The following LRRTM4 variants were observed in gnomAD, a reference collection of about 807,000 sequenced individuals.
LRRTM4 encodes the protein leucine-rich repeat transmembrane neuronal protein 4.
A neutral mutation model predicts 47.6 loss-of-function variants in LRRTM4; 25 were observed. That is an observed-to-expected ratio of 0.53 (90% CI 0.38 to 0.73). The LOEUF (loss-of-function observed/expected upper bound fraction) is 0.73. Ranked by LOEUF, LRRTM4 falls within the 30% of genes least tolerant of loss-of-function variation. The pLI, the probability that LRRTM4 is intolerant of heterozygous loss-of-function variation, is 0.00. For missense variants in LRRTM4, 638 were observed against 713.4 expected, an observed-to-expected ratio of 0.89 and a Z score of 1.20; for synonymous variants, 311 against 269.5, an observed-to-expected ratio of 1.15 and a Z score of -1.51.
At chr2:76,840,700 A>G (rs1478955592) in intron 3 of LRRTM4, among the ~76,000 whole-genome samples, 2 of 152,164 alleles carry the variant, frequency 1.3e-5, no homozygotes, top group African/African-American at 4.8e-5. Flanking sequence ...AAGAAAACAA[A>G]AGAGAGAGAG....
At chr2:77,377,327 A>G (rs965387515) in intron 3 of LRRTM4, among the ~76,000 whole-genome samples, 4 of 151,992 alleles carry the variant, frequency 2.6e-5, no homozygotes, top group African/African-American at 9.7e-5. Flanking sequence ...TTTATATTAC[A>G]TTAGCTCACT....
intron 3 of LRRTM4, among the ~76,000 whole-genome samples, chr2:77,422,379 T>G (rs1674935134): frequency 6.6e-6 from 1 of 152,214 alleles, no homozygotes; most frequent in Non-Finnish European, 1.5e-5. Flanking sequence ...GTCAATAAAC[T>G]GCATCCATGT....
At chr2:77,515,590 G>C (rs571450707) in intron 3 of LRRTM4, among the ~76,000 whole-genome samples, 1 of 151,592 alleles carries the variant, frequency 6.6e-6, no homozygotes, top group South Asian at 2.1e-4. Flanking sequence ...GTAGAGTTTG[G>C]TGTTTTTAAT....
intron 3 of LRRTM4, among the ~76,000 whole-genome samples, chr2:77,348,597 G>T (rs976444328): frequency 6.7e-6 from 1 of 149,986 alleles, no homozygotes; most frequent in Admixed American, 6.6e-5. Flanking sequence ...ATATCTGTAA[G>T]AATATGAAAA....
At chr2:77,285,805 A>G (rs1325970149) in intron 3 of LRRTM4, among the ~76,000 whole-genome samples, 1 of 152,066 alleles carries the variant, frequency 6.6e-6, no homozygotes, top group Non-Finnish European at 1.5e-5. Context: ...ATATATTTTT[A>G]GGTATTCTAT....
chr2:77,387,194 C>T (rs1673312607), intron 3 of LRRTM4, among the ~76,000 whole-genome samples: 1 of 151,970 alleles, frequency 6.6e-6, no homozygotes, highest in African/African-American at 2.4e-5. Flanking sequence ...ATATCATAGG[C>T]ATTTATAGAT....
At chr2:77,331,634 T>G (rs914017469) in intron 3 of LRRTM4, among the ~76,000 whole-genome samples, 1 of 152,214 alleles carries the variant, frequency 6.6e-6, no homozygotes, top group African/African-American at 2.4e-5. Context: ...ATTCATACCA[T>G]GTTTCAAAAC....
intron 3 of LRRTM4, among the ~76,000 whole-genome samples, chr2:77,341,817 TG>T (rs1186469837): frequency 6.6e-6 from 1 of 151,932 alleles, no homozygotes; most frequent in Non-Finnish European, 1.5e-5. Flanking sequence ...AGGGCATTTA[TG>T]GGAAGAAAGA....
intron 3 of LRRTM4, among the ~76,000 whole-genome samples, chr2:76,934,047 T>C (rs548718747): frequency 6.6e-6 from 1 of 152,260 alleles, no homozygotes; most frequent in East Asian, 1.9e-4. Flanking sequence ...GATTTATCAG[T>C]GTTCACTTTG....
rs540713576 is a variant in LRRTM4 at position 76,899,817 on chromosome 2, A to G, written c.1552-150901T>C. Among the ~76,000 whole-genome samples, 6 of 152,346 alleles carry G rather than the reference A, an allele frequency of 3.9e-5. No individual in the cohort carries two copies. In the South Asian group the frequency reaches 1.2e-3, roughly 32 times the overall value. On this transcript the variant is annotated intron_variant, in intron 3 of 3. Coordinates refer to ENST00000409884, the MANE Select transcript of LRRTM4 (RefSeq NM_001134745.3). ...AAAAAGTAATTCACTAGATAGTTAG[A>G]TCTATGAGAGCTAGAACAAGTTCTT... is the stretch of plus-strand genomic sequence containing the variant.
intron 3 of LRRTM4, among the ~76,000 whole-genome samples, chr2:77,085,846 G>A (rs947415327): frequency 2.0e-5 from 3 of 152,194 alleles, no homozygotes; most frequent in Admixed American, 2.0e-4. Context: ...TGATTTCTAA[G>A]TATTCTCAGT....
intron 3 of LRRTM4, among the ~76,000 whole-genome samples, chr2:77,140,041 C>G (rs532090935): frequency 6.6e-6 from 1 of 152,210 alleles, no homozygotes; most frequent in South Asian, 2.1e-4. Flanking sequence ...TGAAAATGGC[C>G]ATACTGCCCA....
At chr2:77,207,349 G>GTGTATATA (rs375773430) in intron 3 of LRRTM4, among the ~76,000 whole-genome samples, 9 of 120,834 alleles carry the variant, frequency 7.4e-5, no homozygotes, top group African/African-American at 2.9e-4. Context: ...TCATATATGT[G>GTGTATATA]TATATATATA....
intron 3 of LRRTM4, among the ~76,000 whole-genome samples, chr2:76,782,550 G>A (rs890499833): frequency 6.6e-6 from 1 of 152,086 alleles, no homozygotes; most frequent in Non-Finnish European, 1.5e-5. Flanking sequence ...AATTGCTGTT[G>A]GTAATTTTAA....
intron 3 of LRRTM4, among the ~76,000 whole-genome samples, chr2:76,879,922 A>C (rs139995661): frequency 6.6e-6 from 1 of 152,358 alleles, no homozygotes; most frequent in African/African-American, 2.4e-5. Flanking sequence ...AATGTGGTGG[A>C]AACAGCGTAA....
chr2:76,941,279 C>G (rs1200112738), intron 3 of LRRTM4, among the ~76,000 whole-genome samples: 2 of 152,084 alleles, frequency 1.3e-5, no homozygotes, highest in Non-Finnish European at 2.9e-5. Context: ...AATTCCCAGG[C>G]AAAAAGTTGC....
chr2:77,254,779 C>G (rs1675715715), intron 3 of LRRTM4, among the ~76,000 whole-genome samples: 1 of 150,444 alleles, frequency 6.6e-6, no homozygotes, highest in Non-Finnish European at 1.5e-5. Context: ...AAATTCTATA[C>G]AAGGAGATAT....
At chr2:77,094,968 CAATT>C (rs1670767172) in intron 3 of LRRTM4, among the ~76,000 whole-genome samples, 1 of 152,188 alleles carries the variant, frequency 6.6e-6, no homozygotes, top group East Asian at 1.9e-4. Context: ...TAAAGCAAAA[CAATT>C]AACAGGGTGA....
At position 76,779,415 on chromosome 2, in the gene LRRTM4, T is replaced by A. The variant is rs558090110; in HGVS notation, c.1552-30499A>T. On this transcript the variant is annotated intron_variant, in intron 3 of 3. Coordinates refer to ENST00000409884, the MANE Select transcript of LRRTM4 (RefSeq NM_001134745.3). Reference sequence around the variant, plus strand: ...GAGTCTAAGTCTCTTTGTAGGTCGCTCAGGACTTGCTTTATGAATCTGGGT... The same window carrying A: ...GAGTCTAAGTCTCTTTGTAGGTCGCACAGGACTTGCTTTATGAATCTGGGT... Among the ~76,000 whole-genome samples the A allele has an allele frequency of 1.1e-3, 169 of 149,752 alleles. 1 individual carries two copies. Among genetic ancestry groups the A allele is most frequent in the African/African-American group, 4.0e-3 (164 of 40,562 alleles).
Sources: allele counts gnomAD v4.1 joint callset (sites outside exome capture counted in the v4.1 genomes callset), GRCh38; gene constraint gnomAD v4.1.1; transcripts MANE v1.5; gene names NCBI Gene and HGNC (gene_info 2026-07-23, HGNC 2026-07-21).